Variants in EPHB1 observed in about 807,000 individuals in gnomAD.
The protein encoded by EPHB1 is EPH receptor B1.
In EPHB1, 30 loss-of-function variants were observed where a neutral mutation model predicts 94.4. The ratio of observed to expected loss-of-function variants is 0.32; its 90% CI spans 0.24 to 0.43. The LOEUF is 0.43. EPHB1 is among the 20% of genes least tolerant of loss of function. The probability of loss-of-function intolerance (pLI) is 1.00; values close to 1 mark genes in which losing one functional copy is unlikely to be tolerated. For synonymous variants in EPHB1, 522 were observed against 489.1 expected (o/e 1.07, Z -0.89); for missense variants, 1,055 against 1,308.3 (o/e 0.81, Z 2.99).
At chr3:134,872,980 T>A (rs1212376741) in intron 1 of EPHB1, among the ~76,000 whole-genome samples, 1 of 152,166 alleles carries the variant, frequency 6.6e-6, no homozygotes, top group Non-Finnish European at 1.5e-5. Context: ...CCGGGGAATA[T>A]CTCATGGACC....
At chr3:135,248,904 T>C (rs1328340247) in intron 14 of EPHB1, among the ~76,000 whole-genome samples, 1 of 152,044 alleles carries the variant, frequency 6.6e-6, no homozygotes, top group Non-Finnish European at 1.5e-5. Flanking sequence ...TGGGTCTCAC[T>C]GCTCCATTTT....
intron 1 of EPHB1, among the ~76,000 whole-genome samples, chr3:134,852,046 A>G (rs1242554672): frequency 6.6e-6 from 1 of 152,146 alleles, no homozygotes; most frequent in Admixed American, 6.5e-5. Context: ...TTAAGTTCAG[A>G]TTATGTGCCC....
chr3:135,140,449 A>G (rs966943570), intron 5 of EPHB1, among the ~76,000 whole-genome samples: 1 of 152,250 alleles, frequency 6.6e-6, no homozygotes, highest in Non-Finnish European at 1.5e-5. Context: ...TGAATGAACT[A>G]GTAACTTGTT....
At chr3:134,876,553 G>A (rs1324926800) in intron 1 of EPHB1, among the ~76,000 whole-genome samples, 1 of 152,178 alleles carries the variant, frequency 6.6e-6, no homozygotes, top group Non-Finnish European at 1.5e-5. Context: ...GGCCCCTAAG[G>A]CAGTGGCAAA....
intron 1 of EPHB1, among the ~76,000 whole-genome samples, chr3:134,913,143 A>G (rs1478233282): frequency 6.6e-6 from 1 of 152,156 alleles, no homozygotes; most frequent in African/African-American, 2.4e-5. Context: ...GCCCCCGTCC[A>G]TCAGTGAACC....
intron 5 of EPHB1, among the ~76,000 whole-genome samples, chr3:135,137,754 G>T (rs934168638): frequency 2.0e-5 from 3 of 152,224 alleles, no homozygotes; most frequent in Non-Finnish European, 4.4e-5. Context: ...TATGGACTGA[G>T]AGATTAGCAT....
chr3:135,078,038 A>T (rs1260225417), intron 3 of EPHB1, among the ~76,000 whole-genome samples: 1 of 152,236 alleles, frequency 6.6e-6, no homozygotes, highest in African/African-American at 2.4e-5. Context: ...CATTTTGCAG[A>T]TGATGGAACT....
intron 3 of EPHB1, among the ~76,000 whole-genome samples, chr3:135,096,919 A>C (rs746574503): frequency 1.8e-4 from 27 of 151,982 alleles, no homozygotes; most frequent in Admixed American, 1.3e-3. Context: ...AACACGGTGA[A>C]ACCCCGTCTC....
intron 3 of EPHB1, among the ~76,000 whole-genome samples, chr3:135,054,038 T>TACACACACACAC (rs113249083): frequency 1.2e-4 from 13 of 107,582 alleles, no homozygotes; most frequent in African/African-American, 2.8e-4. Context: ...TATATATATA[T>TACACACACACAC]ATACACACAC....
chr3:135,260,364 A>G lies in EPHB1; in HGVS notation c.*1244A>G, dbSNP rs1436698330. 8.6e-6 allele frequency: 2 copies of G among 231,448 alleles called. No individual in the cohort carries two copies. The highest frequency in any genetic ancestry group is 2.2e-5 in the African/African-American group (1 of 45,216). 14.3% of individuals were successfully genotyped at this position (231,448 alleles called of 1,614,324 possible). ...TGTTCAATTCACTTTTGTAAATTCC[A>G]CCTAACATTTAATTATTTTAAATTT... On this transcript the variant is annotated 3_prime_UTR_variant, in exon 16 of 16. Coordinates refer to ENST00000398015, the MANE Select transcript of EPHB1 (RefSeq NM_004441.5).
chr3:134,998,508 G>A (rs899437814), intron 3 of EPHB1, among the ~76,000 whole-genome samples: 3 of 152,106 alleles, frequency 2.0e-5, no homozygotes, highest in Non-Finnish European at 2.9e-5. Flanking sequence ...GTCTGGGGAG[G>A]TTTTCTCAAA....
At chr3:134,858,106 C>T (rs1368383034) in intron 1 of EPHB1, among the ~76,000 whole-genome samples, 1 of 152,000 alleles carries the variant, frequency 6.6e-6, no homozygotes, top group Non-Finnish European at 1.5e-5. Flanking sequence ...CTCCTTCAGG[C>T]TGAGGACTCT....
At chr3:135,243,371 C>A (rs1033327124) in intron 13 of EPHB1, among the ~76,000 whole-genome samples, 4 of 152,150 alleles carry the variant, frequency 2.6e-5, no homozygotes, top group Non-Finnish European at 4.4e-5. Context: ...GTGGCATAAA[C>A]ATGGGGCTTT....
At chr3:135,116,224 C>CAA (rs780452474) in intron 4 of EPHB1, among the ~76,000 whole-genome samples, 7 of 152,012 alleles carry the variant, frequency 4.6e-5, no homozygotes, top group Non-Finnish European at 8.8e-5. Context: ...AAAACAAAAA[C>CAA]AAAAACAAAA....
chr3:135,234,607 A>G (rs1943605340), intron 12 of EPHB1, among the ~76,000 whole-genome samples: 1 of 152,208 alleles, frequency 6.6e-6, no homozygotes, highest in Admixed American at 6.5e-5. Context: ...TACCCAAGAC[A>G]GGGTAATTTA....
At chr3:135,186,487 A>G (rs1942332551) in intron 10 of EPHB1, among the ~76,000 whole-genome samples, 1 of 152,230 alleles carries the variant, frequency 6.6e-6, no homozygotes, top group Admixed American at 6.5e-5. Context: ...GTTTAAATGT[A>G]TTCTTTAAAA....
At chr3:135,170,809 T>C (rs762328523) in intron 9 of EPHB1, among the ~76,000 whole-genome samples, 15 of 152,232 alleles carry the variant, frequency 9.9e-5, no homozygotes, top group Non-Finnish European at 1.9e-4. Flanking sequence ...CTGAGTTGGC[T>C]GGAATGTGTA....
chr3:134,881,428 G>T (rs1251400534), intron 1 of EPHB1, among the ~76,000 whole-genome samples: 1 of 152,282 alleles, frequency 6.6e-6, no homozygotes, highest in Admixed American at 6.5e-5. Flanking sequence ...ACCCCAGGCT[G>T]ACTTGAGCGA....
In EPHB1 at chr3:134,795,465, A is replaced by G. The variant is rs2035802029; in HGVS notation, c.-167A>G. 1.6e-5 allele frequency: 10 copies of G among 624,000 alleles called. No homozygotes were observed. The South Asian group carries it at 1.8e-4, about 11-fold the overall frequency. 38.7% of individuals were successfully genotyped at this position (624,000 alleles called of 1,614,324 possible). A position where few individuals can be genotyped will look rare whatever the true frequency, so the allele number is the denominator to read the frequency against. ...CGCGCCCGCACCGCCCCACGCGCACACACTCCTGCCCACGCCCACGCAGCG... is the reference window on the plus strand; with the variant it reads ...CGCGCCCGCACCGCCCCACGCGCACGCACTCCTGCCCACGCCCACGCAGCG... On this transcript the variant is annotated 5_prime_UTR_variant, in exon 1 of 16. Transcript: ENST00000398015.
Sources: gnomAD v4.1 joint callset for allele counts (sites outside exome capture counted in the v4.1 genomes callset) on GRCh38, gnomAD v4.1.1 for gene constraint, MANE v1.5 for transcripts, NCBI Gene and HGNC (gene_info 2026-07-23, HGNC 2026-07-21) for gene names.